CPLX2: variants seen among roughly 807,000 people sequenced by gnomAD.
CPLX2 encodes the protein complexin-2.
Under a neutral mutation model 16.3 loss-of-function variants are expected in CPLX2, and 5 were observed. That is an observed-to-expected ratio of 0.31 (90% CI 0.16 to 0.64). The LOEUF (loss-of-function observed/expected upper bound fraction) is 0.64, where lower values mean the gene tolerates loss of function less well. Ranked by LOEUF, CPLX2 falls within the 30% of genes least tolerant of loss-of-function variation. The pLI is 0.79. For synonymous variants in CPLX2, 89 were observed against 73.2 expected, an observed-to-expected ratio of 1.22 and a Z score of -1.10; for missense variants, 144 against 181.4, an observed-to-expected ratio of 0.79 and a Z score of 1.18.
chr5:175,848,172 A>T (rs1759085399), intron 2 of CPLX2, among the ~76,000 whole-genome samples: 1 of 152,012 alleles, frequency 6.6e-6, no homozygotes, highest in South Asian at 2.1e-4. Flanking sequence ...CTATAAGGAG[A>T]TCTGAGGGGG....
At chr5:175,878,429 A>G in intron 1 of CPLX2, 2 of 504,400 alleles carry the variant, frequency 4.0e-6, no homozygotes, top group Non-Finnish European at 7.0e-6. Context: ...AGGCTTTAAA[A>G]TAGGGACCAA....
chr5:175,855,318 T>A lies in CPLX2; in HGVS notation c.-88-23334T>A, dbSNP rs749035036. 1.3e-3 allele frequency among the ~76,000 whole-genome samples: 195 copies of A among 152,366 alleles called. 1 individual carries two copies. The highest frequency in any genetic ancestry group is 2.4e-3 in the Non-Finnish European group (163 of 68,032). On this transcript the variant is annotated intron_variant, in intron 2 of 4. Coordinates refer to the CPLX2 transcript ENST00000359546. ...CTCAGCCAATATAAGACACCTCTTT[T>A]AGCCCTAGTTCCTTCATCTGCGTAA...
intron 1 of CPLX2, among the ~76,000 whole-genome samples, chr5:175,804,193 A>C: frequency 6.6e-6 from 1 of 152,262 alleles, no homozygotes; most frequent in East Asian, 1.9e-4. Context: ...TGAATTGTGC[A>C]TAAGCAGGAC....
At chr5:175,841,911 T>C (rs991684759) in intron 2 of CPLX2, among the ~76,000 whole-genome samples, 1 of 152,204 alleles carries the variant, frequency 6.6e-6, no homozygotes, top group Non-Finnish European at 1.5e-5. Context: ...AAACATCCAA[T>C]AAGAACTGAA....
intron 2 of CPLX2, among the ~76,000 whole-genome samples, chr5:175,817,736 G>A (rs1758434496): frequency 6.6e-6 from 1 of 152,180 alleles, no homozygotes; most frequent in East Asian, 1.9e-4. Flanking sequence ...GTTGTGCGGG[G>A]GAACTGAGTA....
chr5:175,868,877 C>T (rs534961698), upstream of CPLX2, among the ~76,000 whole-genome samples: 8 of 152,300 alleles, frequency 5.3e-5, no homozygotes, highest in South Asian at 1.5e-3. Flanking sequence ...TGGTCTGGAA[C>T]CCTGGCTCTG....
intron 2 of CPLX2, among the ~76,000 whole-genome samples, chr5:175,825,937 C>CAAAAAAAAAAA (rs35250246): frequency 4.5e-5 from 2 of 44,416 alleles, no homozygotes; most frequent in Non-Finnish European, 7.7e-5. Context: ...TGAATAAGTG[C>CAAAAAAAAAAA]AAAAAAAAAA....
chr5:175,877,942 CCCT>C (rs1755440600), intron 1 of CPLX2, among the ~76,000 whole-genome samples: 1 of 152,174 alleles, frequency 6.6e-6, no homozygotes, highest in Non-Finnish European at 1.5e-5. Flanking sequence ...AGTTTAAAAG[CCCT>C]AAGCCCCCAG....
chr5:175,866,106 CG>C (rs1759471587), intron 2 of CPLX2, among the ~76,000 whole-genome samples: 1 of 152,310 alleles, frequency 6.6e-6, no homozygotes, highest in Non-Finnish European at 1.5e-5. Context: ...AGGGACCAAG[CG>C]TCCTGAGGGT....
intron 2 of CPLX2, among the ~76,000 whole-genome samples, chr5:175,840,697 G>A (rs1301941866): frequency 1.3e-5 from 2 of 152,212 alleles, no homozygotes; most frequent in Non-Finnish European, 2.9e-5. Flanking sequence ...TTCTTTGCAG[G>A]ATTGACAGGG....
intron 2 of CPLX2, among the ~76,000 whole-genome samples, chr5:175,858,480 C>G (rs553798930): frequency 2.3e-3 from 353 of 152,340 alleles, no homozygotes; most frequent in African/African-American, 7.5e-3. Flanking sequence ...AGAGCTACAT[C>G]AAGGCATGGG....
At chr5:175,847,381 G>A (rs1759064219) in intron 2 of CPLX2, among the ~76,000 whole-genome samples, 1 of 152,190 alleles carries the variant, frequency 6.6e-6, no homozygotes, top group African/African-American at 2.4e-5. Context: ...CCCCGACACA[G>A]GTTGCATCTA....
At chr5:175,804,488 G>T (rs1054008005) in intron 1 of CPLX2, among the ~76,000 whole-genome samples, 1 of 152,128 alleles carries the variant, frequency 6.6e-6, no homozygotes, top group African/African-American at 2.4e-5. Flanking sequence ...AAGGTGCATT[G>T]CCTCTCCAGC....
At chr5:175,821,225 G>A (rs1758501932) in intron 2 of CPLX2, among the ~76,000 whole-genome samples, 1 of 151,902 alleles carries the variant, frequency 6.6e-6, no homozygotes, top group African/African-American at 2.4e-5. Flanking sequence ...CCCACACAGG[G>A]CCAGCAGAGA....
chr5:175,813,074 C>T (rs761640019), intron 2 of CPLX2, among the ~76,000 whole-genome samples: 23 of 152,108 alleles, frequency 1.5e-4, no homozygotes, highest in Non-Finnish European at 2.5e-4. Context: ...CACAGCTAAG[C>T]GGCTCTGGTA....
In CPLX2 at chr5:175,809,045, T is replaced by C. The variant is rs940033349; in HGVS notation, c.-112T>C. 1.5e-4 allele frequency: 23 copies of C among 152,414 alleles called. No individual in the cohort carries two copies. Among genetic ancestry groups the C allele is most frequent in the African/African-American group, 5.5e-4 (23 of 41,456 alleles). The allele number at this position is 152,414 out of a possible 1,614,324, so 9.4% of individuals were successfully genotyped here. Reference sequence around the variant, plus strand: ...TGCTCAGCGACTGAAGGTGCCCGCATCCCAGCTCTGCCAGGAAGCAAAGGT... The same window carrying C: ...TGCTCAGCGACTGAAGGTGCCCGCACCCCAGCTCTGCCAGGAAGCAAAGGT... On this transcript the variant is annotated 5_prime_UTR_variant, in exon 2 of 5. Coordinates refer to the CPLX2 transcript ENST00000359546. This position sits in a 1 kb window ranked among gnomAD's most constrained non-coding sequence, Gnocchi z 4.4.
intron 2 of CPLX2, among the ~76,000 whole-genome samples, chr5:175,827,213 G>A (rs955837741): frequency 4.6e-5 from 7 of 152,156 alleles, no homozygotes; most frequent in East Asian, 1.9e-4. Context: ...GGCCTAAACC[G>A]TGGTCATGTG....
chr5:175,838,137 G>C (rs1229356864), intron 2 of CPLX2, among the ~76,000 whole-genome samples: 1 of 152,132 alleles, frequency 6.6e-6, no homozygotes, highest in Non-Finnish European at 1.5e-5. Flanking sequence ...CGGAAACATA[G>C]ACCGGGAAAT....
rs765609656 is a variant in CPLX2, at chr5:175,880,105, C to T, written c.*60C>T. 42 of 1,534,596 alleles carry T rather than the reference C, an allele frequency of 2.7e-5. No homozygotes were observed. The South Asian group carries it at 5.0e-4, about 18-fold the overall frequency. Reference sequence around the variant, plus strand: ...CTACTTCTTTTTGGTTCTTTCTTTTCTTTTTATTAGGTTAAGTCTCAATTC... The same window carrying T: ...CTACTTCTTTTTGGTTCTTTCTTTTTTTTTTATTAGGTTAAGTCTCAATTC... On this transcript the variant is annotated 3_prime_UTR_variant, in exon 4 of 4. Transcript: ENST00000393745.
Sources: allele counts gnomAD v4.1 joint callset (sites outside exome capture counted in the v4.1 genomes callset), GRCh38; gene constraint gnomAD v4.1.1; non-coding constraint Gnocchi (gnomAD v3.1); transcripts MANE v1.5; gene names NCBI Gene and HGNC (gene_info 2026-07-23, HGNC 2026-07-21).